Variants in BCAS3 observed in about 807,000 individuals in gnomAD.
The protein encoded by BCAS3 is BCAS4/BCAS3 fusion.
In BCAS3, 53 loss-of-function variants were observed where a neutral mutation model predicts 116.1. The observed-to-expected ratio is 0.46, with a 90% CI of 0.37 to 0.57. The LOEUF (loss-of-function observed/expected upper bound fraction) is 0.57. BCAS3 is among the 20% of genes least tolerant of loss of function. The pLI, the probability that BCAS3 is intolerant of heterozygous loss-of-function variation, is 0.00. For missense variants in BCAS3, 917 were observed against 1,165.4 expected, an observed-to-expected ratio of 0.79 and a Z score of 3.10; for synonymous variants, 391 against 408.2, an observed-to-expected ratio of 0.96 and a Z score of 0.51.
At chr17:60,729,539 AT>A (rs1377919607) in intron 5 of BCAS3, among the ~76,000 whole-genome samples, 3 of 152,178 alleles carry the variant, frequency 2.0e-5, no homozygotes, top group Non-Finnish European at 4.4e-5. Context: ...ATTAAAAAAA[AT>A]CATCTTGTTA....
In BCAS3 at chr17:60,992,189, TACACACACACACACACAC is replaced by T. The variant is rs576760115; in HGVS notation, c.1486+1979_1486+1996del. ...CATTCTTTCGTAGTATCCGATGACT[TACACACACACACACACAC>T]ACACACACACACACACACACACACT... On this transcript the variant is annotated intron_variant, in intron 15 of 23. Coordinates refer to ENST00000407086, the MANE Select transcript of BCAS3 (RefSeq NM_017679.5). Among the ~76,000 whole-genome samples, 633 of 130,730 alleles carry T rather than the reference TACACACACACACACACAC, an allele frequency of 4.8e-3. 2 individuals carry two copies. Among genetic ancestry groups the T allele is most frequent in the Admixed American group, 8.5e-3 (110 of 13,008 alleles). 85.8% of individuals were successfully genotyped at this position (130,730 alleles called of 152,430 possible).
At chr17:60,865,689 AATAG>A (rs2054537523) in intron 7 of BCAS3, among the ~76,000 whole-genome samples, 1 of 152,212 alleles carries the variant, frequency 6.6e-6, no homozygotes, top group South Asian at 2.1e-4. Context: ...GTTATCTATA[AATAG>A]ATCATGTTAT....
intron 12 of BCAS3, among the ~76,000 whole-genome samples, chr17:60,914,789 T>G (rs1210409371): frequency 6.6e-6 from 1 of 152,244 alleles, no homozygotes; most frequent in Non-Finnish European, 1.5e-5. Context: ...TTTCTCTTAC[T>G]TTATTATAAG....
intron 22 of BCAS3, among the ~76,000 whole-genome samples, chr17:61,115,574 TAA>T (rs1264118887): frequency 7.1e-6 from 1 of 141,068 alleles, no homozygotes; most frequent in African/African-American, 2.6e-5. Context: ...TGGCAATCAT[TAA>T]AAAGTCAGGA....
intron 22 of BCAS3, among the ~76,000 whole-genome samples, chr17:61,091,993 A>G (rs529363244): frequency 6.6e-6 from 1 of 152,218 alleles, no homozygotes; most frequent in Non-Finnish European, 1.5e-5. Context: ...ATTTCCGTCA[A>G]CCCAGAAAGT....
intron 6 of BCAS3, among the ~76,000 whole-genome samples, chr17:60,805,809 A>G (rs372245256): frequency 5.3e-5 from 8 of 150,894 alleles, no homozygotes; most frequent in African/African-American, 2.0e-4. Context: ...CCTGGGTGAC[A>G]GAGTGAGACT....
At chr17:60,718,614 T>G (rs936370771) in intron 5 of BCAS3, among the ~76,000 whole-genome samples, 1 of 152,138 alleles carries the variant, frequency 6.6e-6, no homozygotes, top group Non-Finnish European at 1.5e-5. Context: ...TTTGTGATCT[T>G]TTAAATTTTA....
chr17:60,826,304 C>T (rs990011979), intron 7 of BCAS3, among the ~76,000 whole-genome samples: 3 of 152,122 alleles, frequency 2.0e-5, no homozygotes, highest in Admixed American at 2.0e-4. Context: ...AAGCCTCAGC[C>T]TCCTGAGTAG....
intron 6 of BCAS3, among the ~76,000 whole-genome samples, chr17:60,804,423 G>A (rs938094886): frequency 6.6e-6 from 1 of 152,052 alleles, no homozygotes. Context: ...AGAGGTTGCA[G>A]TGTGCCGAGA....
At position 61,008,442 on chromosome 17, in the gene BCAS3, A is replaced by T. The variant is rs2064872046; in HGVS notation, c.1487-7309A>T. 6.6e-6 allele frequency among the ~76,000 whole-genome samples: 1 copy of T among 152,006 alleles called. No homozygotes were observed. Among genetic ancestry groups the T allele is most frequent in the Admixed American group, 6.6e-5 (1 of 15,240 alleles). ...GTTTGGTTGAAAAAACTTTAATGTT[A>T]AATTGGATGGCAAGCAAGAACTAAG... On this transcript the variant is annotated intron_variant, in intron 15 of 23. Coordinates refer to ENST00000407086, the MANE Select transcript of BCAS3 (RefSeq NM_017679.5). This position sits in a 1 kb window ranked among gnomAD's most constrained non-coding sequence, Gnocchi z 4.6.
rs1411288345 is a variant in BCAS3, at chr17:61,098,975, T to G, written c.2425+14411T>G. On this transcript the variant is annotated intron_variant, in intron 22 of 23. Coordinates refer to ENST00000407086, the MANE Select transcript of BCAS3 (RefSeq NM_017679.5). The surrounding 1 kb of genome is among the most constrained non-coding windows in gnomAD (Gnocchi z 4.2). ...CCATCTCTACTAAAAATACGAAAAA[T>G]TAGCCGGGCATGGTGGCGCACACCT... Among the ~76,000 whole-genome samples the G allele has an allele frequency of 6.6e-6, 1 of 151,916 alleles. No homozygotes were observed. The highest frequency in any genetic ancestry group is 1.5e-5 in the Non-Finnish European group (1 of 67,968).
intron 14 of BCAS3, among the ~76,000 whole-genome samples, chr17:60,979,981 G>T (rs1039251754): frequency 2.0e-5 from 3 of 152,048 alleles, no homozygotes; most frequent in African/African-American, 7.3e-5. Flanking sequence ...TATTTGCCCG[G>T]CTTTGGTATC....
chr17:61,360,934 C>T (rs953252556), intron 22 of BCAS3, among the ~76,000 whole-genome samples: 1 of 152,128 alleles, frequency 6.6e-6, no homozygotes, highest in African/African-American at 2.4e-5. Context: ...TAACATATGC[C>T]TTTAATTGGG....
At chr17:60,837,734 A>T (rs1015161454) in intron 7 of BCAS3, among the ~76,000 whole-genome samples, 1 of 151,374 alleles carries the variant, frequency 6.6e-6, no homozygotes, top group African/African-American at 2.4e-5. Flanking sequence ...GCTCACTGCA[A>T]CCTCTATCTC....
At chr17:60,963,353 T>C (rs1353523507) in intron 14 of BCAS3, among the ~76,000 whole-genome samples, 1 of 152,178 alleles carries the variant, frequency 6.6e-6, no homozygotes, top group African/African-American at 2.4e-5. Context: ...TATTCTTTGA[T>C]CCATAAGCAT....
chr17:60,814,078 G>A (rs1230659073), intron 7 of BCAS3, among the ~76,000 whole-genome samples: 1 of 152,104 alleles, frequency 6.6e-6, no homozygotes, highest in African/African-American at 2.4e-5. Context: ...GACATTGGTA[G>A]TTTGATAGGA....
At chr17:61,157,832 A>G (rs1400935838) in intron 22 of BCAS3, among the ~76,000 whole-genome samples, 1 of 152,202 alleles carries the variant, frequency 6.6e-6, no homozygotes, top group Non-Finnish European at 1.5e-5. Flanking sequence ...CCTTGTCTTC[A>G]TTCATCTATT....
intron 12 of BCAS3, among the ~76,000 whole-genome samples, chr17:60,914,904 A>G (rs1047619029): frequency 6.6e-6 from 1 of 152,158 alleles, no homozygotes; most frequent in Non-Finnish European, 1.5e-5. Flanking sequence ...TAAGTATTGG[A>G]GGAGGGAAAG....
At chr17:60,971,338 A>G (rs1567996731) in intron 14 of BCAS3, among the ~76,000 whole-genome samples, 1 of 152,158 alleles carries the variant, frequency 6.6e-6, no homozygotes, top group African/African-American at 2.4e-5. Context: ...AGGACCAGAT[A>G]ATAAGTATCT....
Sources: gnomAD v4.1 joint callset for allele counts (sites outside exome capture counted in the v4.1 genomes callset) on GRCh38, gnomAD v4.1.1 for gene constraint, Gnocchi (gnomAD v3.1) non-coding constraint, MANE v1.5 for transcripts, NCBI Gene and HGNC (gene_info 2026-07-23, HGNC 2026-07-21) for gene names.